The following METAP1 variants were observed in gnomAD, a reference collection of about 807,000 sequenced individuals.
METAP1 encodes the protein methionine aminopeptidase 1.
METAP1 carries 28 observed loss-of-function variants against 53.8 expected under a neutral mutation model. That is an observed-to-expected ratio of 0.52 (90% confidence interval 0.39 to 0.71). The LOEUF (loss-of-function observed/expected upper bound fraction) is 0.71. Ranked by LOEUF, METAP1 falls within the 30% of genes least tolerant of loss-of-function variation. METAP1 has a pLI of 0.00. For missense variants in METAP1, 389 were observed against 479.8 expected, an observed-to-expected ratio of 0.81 and a Z score of 1.77; for synonymous variants, 181 against 165.7, an observed-to-expected ratio of 1.09 and a Z score of -0.71.
intron 8 of METAP1, among the ~76,000 whole-genome samples, chr4:99,046,015 T>C (rs773771410): frequency 3.9e-5 from 6 of 152,226 alleles, no homozygotes; most frequent in Non-Finnish European, 5.9e-5. Flanking sequence ...ATTGTAGTAA[T>C]GGGTAGGGGT....
intron 7 of METAP1, among the ~76,000 whole-genome samples, chr4:99,044,780 C>G (rs1726103599): frequency 6.6e-6 from 1 of 151,580 alleles, no homozygotes; most frequent in Admixed American, 6.6e-5. Context: ...TCTGTTATTC[C>G]CTAGCAGGAG....
At chr4:99,023,763 G>T (rs916089375) in intron 1 of METAP1, 4 of 985,420 alleles carry the variant, frequency 4.1e-6, no homozygotes, top group East Asian at 1.1e-4. Flanking sequence ...GGAGTTAGTT[G>T]CACTGGTTAA....
At chr4:99,003,338 C>T (rs1579234721) in intron 1 of METAP1, among the ~76,000 whole-genome samples, 1 of 152,224 alleles carries the variant, frequency 6.6e-6, no homozygotes. Flanking sequence ...GCATCACATT[C>T]TGAAGGTTAA....
At chr4:99,005,643 C>T (rs1579238850) in intron 1 of METAP1, 1 of 261,518 alleles carries the variant, frequency 3.8e-6, no homozygotes, top group South Asian at 3.6e-5. Flanking sequence ...CAGCACATTT[C>T]ACAATTGCAA....
chr4:99,027,627 T>G (rs1013133587), intron 1 of METAP1, among the ~76,000 whole-genome samples: 1 of 151,860 alleles, frequency 6.6e-6, no homozygotes, highest in African/African-American at 2.4e-5. Flanking sequence ...AGTGGACATC[T>G]TTGAAGTGCC....
chr4:99,047,880 A>G (rs1726384243), intron 8 of METAP1, among the ~76,000 whole-genome samples: 1 of 152,216 alleles, frequency 6.6e-6, no homozygotes, highest in Admixed American at 6.5e-5. Flanking sequence ...GTATATAGTG[A>G]GAAGTATCTT....
intron 2 of METAP1, among the ~76,000 whole-genome samples, chr4:99,032,240 T>G (rs1167572908): frequency 6.6e-6 from 1 of 152,102 alleles, no homozygotes; most frequent in Non-Finnish European, 1.5e-5. Context: ...TGTTTTGTTT[T>G]TTTTTGAGAC....
chr4:99,022,113 G>A (rs1306000691), intron 1 of METAP1, among the ~76,000 whole-genome samples: 1 of 152,222 alleles, frequency 6.6e-6, no homozygotes, highest in East Asian at 1.9e-4. Flanking sequence ...TAGTATGACA[G>A]TATGAATTAG....
At position 99,001,953 on chromosome 4, in the gene METAP1, AC is replaced by A. The variant is rs144341300; in HGVS notation, c.114+6087del. The stretch of plus-strand genomic sequence containing the variant: ...TTTGTAAAACAACAACAACAAAAAA[AC>A]GAGCATCATTTGGTTGGTAGGCAAT... On this transcript the variant is annotated intron_variant, in intron 1 of 10. Transcript: ENST00000296411. Among the ~76,000 whole-genome samples the A allele has an allele frequency of 8.7e-3, 1,333 of 152,366 alleles. 20 individuals carry two copies. The highest frequency in any genetic ancestry group is 0.03 in the African/African-American group (1,261 of 41,584).
chr4:99,041,606 CCT>C (rs943055959), intron 6 of METAP1, among the ~76,000 whole-genome samples: 1 of 151,534 alleles, frequency 6.6e-6, no homozygotes. Flanking sequence ...GACCTTAAGA[CCT>C]TATTAGATGA....
intron 6 of METAP1, among the ~76,000 whole-genome samples, chr4:99,041,706 A>T (rs1255470418): frequency 1.3e-5 from 2 of 151,978 alleles, no homozygotes; most frequent in African/African-American, 4.8e-5. Flanking sequence ...TCTAGTAAAC[A>T]AATACAAATT....
intron 1 of METAP1, among the ~76,000 whole-genome samples, chr4:98,999,661 C>T (rs1722829823): frequency 6.6e-6 from 1 of 150,786 alleles, no homozygotes; most frequent in African/African-American, 2.4e-5. Flanking sequence ...CAGGTGCGCA[C>T]CACCACGCCT....
At chr4:99,042,864 T>C (rs750527231) in intron 6 of METAP1, among the ~76,000 whole-genome samples, 1 of 152,154 alleles carries the variant, frequency 6.6e-6, no homozygotes, top group Non-Finnish European at 1.5e-5. Context: ...ATTTGTATTA[T>C]ACGTAACTGG....
intron 8 of METAP1, among the ~76,000 whole-genome samples, chr4:99,046,286 C>T (rs893831955): frequency 9.9e-5 from 15 of 151,868 alleles, no homozygotes; most frequent in Non-Finnish European, 1.5e-4. Context: ...TGGTGGCGGG[C>T]GCCTGTAATC....
intron 10 of METAP1, among the ~76,000 whole-genome samples, chr4:99,058,467 T>C (rs1388486642): frequency 1.3e-5 from 2 of 152,138 alleles, no homozygotes; most frequent in Non-Finnish European, 2.9e-5. Flanking sequence ...CCCACTGTTG[T>C]CATCTCTTCC....
intron 1 of METAP1, among the ~76,000 whole-genome samples, chr4:99,019,022 C>T (rs1232551004): frequency 6.6e-6 from 1 of 152,180 alleles, no homozygotes; most frequent in Non-Finnish European, 1.5e-5. Context: ...TACTTGCAGT[C>T]CAAGACCTAA....
intron 8 of METAP1, among the ~76,000 whole-genome samples, chr4:99,047,696 TAG>T (rs1304768419): frequency 6.6e-6 from 1 of 151,866 alleles, no homozygotes; most frequent in Non-Finnish European, 1.5e-5. Flanking sequence ...AGTAGGAGAG[TAG>T]AGAGAGTTAA....
At chr4:99,006,663 T>C (rs1723192730) in intron 1 of METAP1, among the ~76,000 whole-genome samples, 1 of 152,210 alleles carries the variant, frequency 6.6e-6, no homozygotes, top group Admixed American at 6.5e-5. Flanking sequence ...CTTAAATTTC[T>C]CAATTATCTC....
Position 99,024,647 on chromosome 4 carries a change from A to G in METAP1, c.115-4220A>G, listed in dbSNP as rs1724423692. ...TTCAAGCACTGATCTTAGGTTTTAC[A>G]ATAGTGTTGTTATCCCCAGGGGCGA... On this transcript the variant is annotated intron_variant, in intron 1 of 10. Transcript: ENST00000296411. Among the ~76,000 whole-genome samples the G allele has an allele frequency of 1.3e-5, 2 of 152,200 alleles. 1 individual carries two copies. Among genetic ancestry groups the G allele is most frequent in the South Asian group, 4.1e-4 (2 of 4,836 alleles).
Sources: gnomAD v4.1 joint callset for allele counts (sites outside exome capture counted in the v4.1 genomes callset) on GRCh38, gnomAD v4.1.1 for gene constraint, MANE v1.5 for transcripts, NCBI Gene and HGNC (gene_info 2026-07-23, HGNC 2026-07-21) for gene names.